The following IL7 variants were observed in gnomAD, a reference collection of about 807,000 sequenced individuals.
IL7 encodes the protein interleukin-7.
IL7 carries 3 observed loss-of-function variants against 21.6 expected under a neutral mutation model. The observed-to-expected ratio is 0.14, with a 90% confidence interval of 0.06 to 0.36. IL7 has a LOEUF of 0.36. Among genes scored for constraint, IL7 ranks in the 10% least tolerant of loss-of-function variants. IL7 has a pLI of 1.00. For missense variants in IL7, 175 were observed against 200.2 expected (o/e 0.87, Z 0.76); for synonymous variants, 62 against 68.1 (o/e 0.91, Z 0.44).
chr8:78,772,193 T>C (rs571067986), intron 2 of IL7, among the ~76,000 whole-genome samples: 1 of 152,296 alleles, frequency 6.6e-6, no homozygotes, highest in Non-Finnish European at 1.5e-5. Flanking sequence ...CCCATGCTTT[T>C]TCTATTACCC....
chr8:78,697,417 C>T (rs751288773), intron 3 of IL7: 1 of 1,596,732 alleles, frequency 6.3e-7, no homozygotes, highest in Non-Finnish European at 8.5e-7. Flanking sequence ...TATAAGCCAC[C>T]CGCACTTAAA....
chr8:78,676,731 T>G (rs533376846), intron 4 of IL7, among the ~76,000 whole-genome samples: 1 of 149,328 alleles, frequency 6.7e-6, no homozygotes, highest in East Asian at 2.1e-4. Flanking sequence ...TTTTGTAATC[T>G]TTTAAAAACA....
chr8:78,700,362 T>G (rs1473800245), intron 3 of IL7, among the ~76,000 whole-genome samples: 1 of 152,184 alleles, frequency 6.6e-6, no homozygotes, highest in Non-Finnish European at 1.5e-5. Flanking sequence ...AGTTTGTTTT[T>G]TTCTTGTAAG....
At chr8:78,700,610 G>A (rs1810568853) in intron 3 of IL7, among the ~76,000 whole-genome samples, 1 of 152,080 alleles carries the variant, frequency 6.6e-6, no homozygotes, top group African/African-American at 2.4e-5. Context: ...TATTGGCTAG[G>A]TTGTCTTCCA....
chr8:78,729,633 G>A (rs939717052), downstream of IL7, among the ~76,000 whole-genome samples: 1 of 151,914 alleles, frequency 6.6e-6, no homozygotes, highest in African/African-American at 2.4e-5. Flanking sequence ...GTAGATAATG[G>A]TTACTTTGTA....
intron 2 of IL7, among the ~76,000 whole-genome samples, chr8:78,782,812 A>T (rs574764193): frequency 1.3e-5 from 2 of 152,184 alleles, no homozygotes; most frequent in East Asian, 3.9e-4. Flanking sequence ...CCACAGAGAC[A>T]ACAGCCGCTC....
chr8:78,675,753 T>C (rs745444967), exon 5 of IL7: 10 of 1,521,478 alleles, frequency 6.6e-6, no homozygotes, highest in Non-Finnish European at 8.1e-6. Context: ...TTTCAAGTTA[T>C]ATAAATTATT....
At chr8:78,738,119 C>T (rs553030631) in intron 4 of IL7, among the ~76,000 whole-genome samples, 1 of 152,186 alleles carries the variant, frequency 6.6e-6, no homozygotes, top group African/African-American at 2.4e-5. Context: ...TTGTTAAATA[C>T]ATTTGATTTC....
chr8:78,680,167 A>G (rs1208930834), intron 4 of IL7, among the ~76,000 whole-genome samples: 1 of 152,092 alleles, frequency 6.6e-6, no homozygotes, highest in East Asian at 1.9e-4. Context: ...ATTTCAATGA[A>G]TATTAGTCAT....
At chr8:78,704,494 A>T (rs1810708603) in intron 3 of IL7, among the ~76,000 whole-genome samples, 1 of 151,188 alleles carries the variant, frequency 6.6e-6, no homozygotes, top group African/African-American at 2.4e-5. Context: ...TTTCCTTTGT[A>T]GGTGACCTGG....
intron 3 of IL7, among the ~76,000 whole-genome samples, chr8:78,726,355 T>C (rs1383282079): frequency 6.6e-6 from 1 of 151,934 alleles, no homozygotes; most frequent in Non-Finnish European, 1.5e-5. Flanking sequence ...GTGCACAGGC[T>C]CTGTGGTGAG....
intron 2 of IL7, among the ~76,000 whole-genome samples, chr8:78,745,736 T>A (rs1397471946): frequency 6.6e-6 from 1 of 152,224 alleles, no homozygotes; most frequent in African/African-American, 2.4e-5. Flanking sequence ...TGAGAGGATG[T>A]TTTCATTCCA....
chr8:78,698,391 A>G (rs759816244), intron 3 of IL7: 2 of 1,583,160 alleles, frequency 1.3e-6, no homozygotes, highest in East Asian at 4.5e-5. Flanking sequence ...GTATTGTTAA[A>G]AATAATGCTT....
At chr8:78,685,646 G>A (rs966008706) in intron 4 of IL7, among the ~76,000 whole-genome samples, 25 of 152,178 alleles carry the variant, frequency 1.6e-4, no homozygotes, top group African/African-American at 5.6e-4. Context: ...TACATTAAAT[G>A]ATTCTTAGTA....
At chr8:78,699,777 T>C (rs185583464) in intron 3 of IL7, among the ~76,000 whole-genome samples, 2 of 152,320 alleles carry the variant, frequency 1.3e-5, no homozygotes, top group East Asian at 1.9e-4. Flanking sequence ...GCTCCATTCA[T>C]GTCCCTCCTA....
At chr8:78,693,448 A>AT (rs1251050170) in intron 3 of IL7, among the ~76,000 whole-genome samples, 2 of 152,000 alleles carry the variant, frequency 1.3e-5, no homozygotes, top group Non-Finnish European at 2.9e-5. Context: ...ATGGTATCTC[A>AT]TTGTGGTTTT....
chr8:78,676,777 A>G (rs563469496), intron 4 of IL7, among the ~76,000 whole-genome samples: 1 of 152,048 alleles, frequency 6.6e-6, no homozygotes, highest in South Asian at 2.1e-4. Flanking sequence ...TTTCTTATCA[A>G]TTTATTATTT....
chr8:78,710,243 C>T (rs1361723417), intron 3 of IL7, among the ~76,000 whole-genome samples: 1 of 152,024 alleles, frequency 6.6e-6, no homozygotes, highest in Non-Finnish European at 1.5e-5. Context: ...CTAAAAATAG[C>T]ATTCATTAAC....
intron 5 of IL7, 95 bp from the exon 6 acceptor site, chr8:78,733,927 A>C (rs1248991647): frequency 1.2e-6 from 1 of 834,938 alleles, no homozygotes; most frequent in African/African-American, 1.8e-5. Context: ...TATACTGAAA[A>C]ACTGGTGCAA....
Sources: gnomAD v4.1 joint callset for allele counts (sites outside exome capture counted in the v4.1 genomes callset) on GRCh38, gnomAD v4.1.1 for gene constraint, MANE v1.5 for transcripts, NCBI Gene and HGNC (gene_info 2026-07-23, HGNC 2026-07-21) for gene names.